Variants in NKAIN3 observed in about 807,000 individuals in gnomAD.
The protein encoded by NKAIN3 is sodium/potassium-transporting ATPase subunit beta-1-interacting protein 3.
NKAIN3 carries 25 observed loss-of-function variants against 30.2 expected under a neutral mutation model. The ratio of observed to expected loss-of-function variants is 0.83; its 90% confidence interval spans 0.60 to 1.16. The LOEUF is 1.16. Among genes scored for constraint, NKAIN3 ranks in the 50% most tolerant of loss-of-function variants. The probability of loss-of-function intolerance (pLI) is 0.00; values close to 1 mark genes in which losing one functional copy is unlikely to be tolerated. For synonymous variants in NKAIN3, 91 were observed against 89.6 expected, an observed-to-expected ratio of 1.02 and a Z score of -0.09; for missense variants, 225 against 254.1, an observed-to-expected ratio of 0.89 and a Z score of 0.78.
intron 4 of NKAIN3, among the ~76,000 whole-genome samples, chr8:62,882,262 T>G (rs1821006221): frequency 6.6e-6 from 1 of 152,192 alleles, no homozygotes; most frequent in Admixed American, 6.5e-5. Context: ...AAGTTCAGCT[T>G]ATAAATTATT....
intron 4 of NKAIN3, among the ~76,000 whole-genome samples, chr8:62,903,598 C>T (rs1022211047): frequency 6.6e-5 from 10 of 152,150 alleles, no homozygotes; most frequent in Non-Finnish European, 1.3e-4. Flanking sequence ...TGTCCACCTG[C>T]TGCCTCTTCT....
chr8:62,351,109 A>G (rs1325505532), intron 1 of NKAIN3, among the ~76,000 whole-genome samples: 1 of 148,870 alleles, frequency 6.7e-6, no homozygotes, highest in Non-Finnish European at 1.5e-5. Context: ...AATATATAAT[A>G]TATATTAACA....
intron 3 of NKAIN3, among the ~76,000 whole-genome samples, chr8:62,724,106 T>A (rs1186339835): frequency 6.6e-6 from 1 of 152,128 alleles, no homozygotes; most frequent in Non-Finnish European, 1.5e-5. Context: ...ACAAGCTAAC[T>A]GAAGGAATGA....
chr8:62,631,243 G>A (rs1811950415), intron 3 of NKAIN3, among the ~76,000 whole-genome samples: 1 of 152,158 alleles, frequency 6.6e-6, no homozygotes, highest in Non-Finnish European at 1.5e-5. Context: ...CCACACCAGT[G>A]TTTCAAGCTA....
chr8:62,587,363 C>T (rs1217893936), intron 2 of NKAIN3, among the ~76,000 whole-genome samples: 1 of 151,872 alleles, frequency 6.6e-6, no homozygotes. Flanking sequence ...AAACAAACAA[C>T]ACAAGAATTC....
chr8:62,708,494 G>T (rs1003951150), intron 3 of NKAIN3, among the ~76,000 whole-genome samples: 1 of 152,012 alleles, frequency 6.6e-6, no homozygotes, highest in Non-Finnish European at 1.5e-5. Flanking sequence ...ATTGTAAAAG[G>T]GTTGACTTCT....
chr8:62,291,244 C>A (rs1008108676), intron 1 of NKAIN3, among the ~76,000 whole-genome samples: 36 of 152,176 alleles, frequency 2.4e-4, no homozygotes, highest in Non-Finnish European at 5.1e-4. Flanking sequence ...TCCTTCAATT[C>A]TGCTCTGATC....
rs576017203 is a variant in NKAIN3 at position 62,316,710 on chromosome 8, G to T, written c.54+67583G>T. Among the ~76,000 whole-genome samples, 8 of 152,142 alleles carry T rather than the reference G, an allele frequency of 5.3e-5. No homozygotes were observed. The East Asian group carries it at 9.7e-4, about 18-fold the overall frequency. On this transcript the variant is annotated intron_variant, in intron 1 of 6. Coordinates refer to ENST00000623646, the MANE Select transcript of NKAIN3 (RefSeq NM_001304533.3). The stretch of plus-strand genomic sequence containing the variant: ...ACATTTGGGTTGGTTCCAAGTCTTT[G>T]CTATTGTGAATAGTGCCACAATAAA...
chr8:62,574,047 G>A (rs192998314), intron 1 of NKAIN3, among the ~76,000 whole-genome samples: 10 of 152,044 alleles, frequency 6.6e-5, no homozygotes, highest in South Asian at 4.2e-4. Context: ...CTCAGCCTCC[G>A]GAAGCTATCA....
downstream of NKAIN3, among the ~76,000 whole-genome samples, chr8:62,985,111 G>A (rs557871201): frequency 8.2e-4 from 125 of 152,256 alleles, 1 homozygote; most frequent in African/African-American, 2.7e-3. Flanking sequence ...CCTGGAGAGC[G>A]TTTAAATGTT....
chr8:62,551,019 C>T (rs2620876), intron 1 of NKAIN3, among the ~76,000 whole-genome samples: 34,185 of 151,994 alleles, frequency 0.22, 4,029 homozygotes, highest in East Asian at 0.38. Flanking sequence ...CTTAACATGA[C>T]GGCTTTGCAT....
At chr8:62,731,960 T>A (rs1460554856) in intron 3 of NKAIN3, among the ~76,000 whole-genome samples, 3 of 152,160 alleles carry the variant, frequency 2.0e-5, no homozygotes, top group African/African-American at 7.2e-5. Flanking sequence ...ATTTCATTTT[T>A]TTTTTTGCCC....
chr8:62,707,891 T>C (rs926427623), intron 3 of NKAIN3, among the ~76,000 whole-genome samples: 8 of 152,158 alleles, frequency 5.3e-5, no homozygotes, highest in African/African-American at 1.9e-4. Context: ...CCAGCTTGAG[T>C]TGATTTTTGT....
intron 3 of NKAIN3, among the ~76,000 whole-genome samples, chr8:62,707,921 T>C (rs2130485480): frequency 6.6e-6 from 1 of 152,246 alleles, no homozygotes; most frequent in South Asian, 2.1e-4. Context: ...GAAATGAGGA[T>C]TCAGATTTAT....
chr8:62,879,820 G>A (rs905829596), intron 4 of NKAIN3, among the ~76,000 whole-genome samples: 1 of 152,170 alleles, frequency 6.6e-6, no homozygotes, highest in Admixed American at 6.5e-5. Context: ...GTATTGCAGT[G>A]TCTGAAGAGA....
intron 4 of NKAIN3, among the ~76,000 whole-genome samples, chr8:62,883,963 A>G (rs553778792): frequency 6.6e-6 from 1 of 152,148 alleles, no homozygotes; most frequent in Non-Finnish European, 1.5e-5. Flanking sequence ...TGTGCCTATG[A>G]TCCTGTGATT....
At chr8:62,648,255 T>C (rs1444199458) in intron 3 of NKAIN3, among the ~76,000 whole-genome samples, 2 of 151,970 alleles carry the variant, frequency 1.3e-5, no homozygotes, top group African/African-American at 4.8e-5. Context: ...GAACCTGGGA[T>C]AGAGATGGAG....
At chr8:62,883,868 A>G (rs988541530) in intron 4 of NKAIN3, among the ~76,000 whole-genome samples, 1 of 152,070 alleles carries the variant, frequency 6.6e-6, no homozygotes, top group South Asian at 2.1e-4. Flanking sequence ...TAATACTTGT[A>G]TTCAATTCCT....
At chr8:62,926,200 A>G (rs17275944) in intron 5 of NKAIN3, among the ~76,000 whole-genome samples, 10,700 of 152,270 alleles carry the variant, frequency 0.07, 487 homozygotes, top group South Asian at 0.15. Context: ...TTTCATGAGG[A>G]TCTTGTGCAA....
Sources: gnomAD v4.1 joint callset for allele counts (sites outside exome capture counted in the v4.1 genomes callset) on GRCh38, gnomAD v4.1.1 for gene constraint, MANE v1.5 for transcripts, NCBI Gene and HGNC (gene_info 2026-07-23, HGNC 2026-07-21) for gene names.